NKAIN3: variants seen among roughly 807,000 people sequenced by gnomAD.
NKAIN3 encodes the protein sodium/potassium-transporting ATPase subunit beta-1-interacting protein 3.
A neutral mutation model predicts 30.2 loss-of-function variants in NKAIN3; 25 were observed. That is an observed-to-expected ratio of 0.83 (90% CI 0.60 to 1.16). NKAIN3 has a LOEUF of 1.16. NKAIN3 is among the 50% of genes most tolerant of loss of function. The pLI is 0.00. For missense variants in NKAIN3, 225 were observed against 254.1 expected (o/e 0.89, Z 0.78); for synonymous variants, 91 against 89.6 (o/e 1.02, Z -0.09).
At chr8:62,466,014 G>A (rs979230500) in intron 1 of NKAIN3, among the ~76,000 whole-genome samples, 3 of 152,030 alleles carry the variant, frequency 2.0e-5, no homozygotes, top group Admixed American at 6.6e-5. Flanking sequence ...AACAGAGCGA[G>A]AGTCCATCTA....
rs573669457 is a variant in NKAIN3, at chr8:62,976,501, T to C, written c.*11094T>C. 3.3e-5 allele frequency among the ~76,000 whole-genome samples: 5 copies of C among 152,304 alleles called. No individual in the cohort carries two copies. In the South Asian group the frequency reaches 1.0e-3, roughly 32 times the overall value. On this transcript the variant is annotated 3_prime_UTR_variant, in exon 7 of 7. Coordinates refer to ENST00000623646, the MANE Select transcript of NKAIN3 (RefSeq NM_001304533.3). ...AGTCTGTTTTACCAGAGGCTAAGAT[T>C]GCAACCCCTGCTTTTTTTTGCTTTC...
intron 4 of NKAIN3, among the ~76,000 whole-genome samples, chr8:62,860,238 A>G (rs187541080): frequency 6.6e-6 from 1 of 152,318 alleles, no homozygotes; most frequent in Non-Finnish European, 1.5e-5. Context: ...ATGGTATGGT[A>G]GCAGCAGATG....
At chr8:62,739,267 G>A (rs1282883476) in intron 3 of NKAIN3, among the ~76,000 whole-genome samples, 6 of 147,070 alleles carry the variant, frequency 4.1e-5, no homozygotes, top group African/African-American at 1.2e-4. Context: ...TATAATTTAC[G>A]AAAAAAAAAA....
At position 62,869,389 on chromosome 8, in the gene NKAIN3, T is replaced by C. The variant is rs964326383; in HGVS notation, c.472-49064T>C. Reference sequence around the variant, plus strand: ...CCCTCCCGGGGTCCATGTGTTCTCATTGTTCAACTCTCACTTATGAGTGAG... The same window carrying C: ...CCCTCCCGGGGTCCATGTGTTCTCACTGTTCAACTCTCACTTATGAGTGAG... On this transcript the variant is annotated intron_variant, in intron 4 of 6. Coordinates refer to ENST00000623646, the MANE Select transcript of NKAIN3 (RefSeq NM_001304533.3). 3.3e-5 allele frequency among the ~76,000 whole-genome samples: 5 copies of C among 152,298 alleles called. No homozygotes were observed. In the South Asian group the frequency reaches 8.3e-4, roughly 25 times the overall value.
chr8:62,346,161 A>G (rs1239199270), intron 1 of NKAIN3, among the ~76,000 whole-genome samples: 1 of 152,112 alleles, frequency 6.6e-6, no homozygotes, highest in Non-Finnish European at 1.5e-5. Flanking sequence ...TCTATTACCC[A>G]GTAGGGTCAA....
At chr8:62,919,760 G>A (rs1822220347) in intron 5 of NKAIN3, among the ~76,000 whole-genome samples, 1 of 152,134 alleles carries the variant, frequency 6.6e-6, no homozygotes, top group African/African-American at 2.4e-5. Context: ...AAACAGATGA[G>A]TGGTGCATGA....
intron 1 of NKAIN3, among the ~76,000 whole-genome samples, chr8:62,543,405 T>C (rs1808905175): frequency 6.6e-6 from 1 of 152,330 alleles, no homozygotes; most frequent in Admixed American, 6.5e-5. Context: ...AACTTCATTC[T>C]AGTAAATTAT....
intron 1 of NKAIN3, among the ~76,000 whole-genome samples, chr8:62,279,078 T>G (rs1445281004): frequency 6.6e-6 from 1 of 152,186 alleles, no homozygotes; most frequent in Non-Finnish European, 1.5e-5. Flanking sequence ...TTCTAACTGG[T>G]GTGAGATTGT....
At chr8:62,635,918 A>G (rs1232587067) in intron 3 of NKAIN3, among the ~76,000 whole-genome samples, 5 of 152,176 alleles carry the variant, frequency 3.3e-5, no homozygotes, top group African/African-American at 4.8e-5. Context: ...AAGCCTTACT[A>G]TAATTTGGAA....
rs1192989503 is a variant in NKAIN3, at chr8:62,365,309, T to A, written c.54+116182T>A. ...CATTGCAGCATTTGGTGTTTATTTTTTCCAATAATCTCTTAGTGTTTCACT... is the reference window on the plus strand; with the variant it reads ...CATTGCAGCATTTGGTGTTTATTTTATCCAATAATCTCTTAGTGTTTCACT... On this transcript the variant is annotated intron_variant, in intron 1 of 6. Transcript: ENST00000623646. Among the ~76,000 whole-genome samples the A allele has an allele frequency of 2.6e-5, 4 of 152,208 alleles. No individual in the cohort carries two copies. In the South Asian group the frequency reaches 8.3e-4, roughly 32 times the overall value.
At chr8:62,995,974 G>A (rs114832503) in intron 5 of NKAIN3, among the ~76,000 whole-genome samples, 350 of 152,308 alleles carry the variant, frequency 2.3e-3, no homozygotes, top group African/African-American at 8.2e-3. Flanking sequence ...CTCTGCAGGT[G>A]ATTCTTATGC....
intron 1 of NKAIN3, among the ~76,000 whole-genome samples, chr8:62,349,787 C>A (rs889636725): frequency 1.3e-5 from 2 of 152,080 alleles, no homozygotes; most frequent in Admixed American, 1.3e-4. Flanking sequence ...TGAATTCTTC[C>A]CAGTCTCAAA....
intron 4 of NKAIN3, among the ~76,000 whole-genome samples, chr8:62,798,724 ATTG>A: frequency 1.3e-5 from 2 of 152,330 alleles, no homozygotes; most frequent in Middle Eastern, 6.8e-3. Context: ...GAGATAATAA[ATTG>A]TTGTTGTTTA....
At chr8:62,657,986 G>T (rs974131370) in intron 3 of NKAIN3, among the ~76,000 whole-genome samples, 2 of 152,142 alleles carry the variant, frequency 1.3e-5, no homozygotes, top group Non-Finnish European at 2.9e-5. Context: ...GCTGAAGAGA[G>T]TGCAGATCTC....
intron 4 of NKAIN3, among the ~76,000 whole-genome samples, chr8:62,876,436 C>A (rs1820794836): frequency 6.6e-6 from 1 of 152,084 alleles, no homozygotes. Context: ...TCAGAAATAC[C>A]ATTTGACCCA....
chr8:62,599,416 A>G (rs1230958986), intron 3 of NKAIN3, among the ~76,000 whole-genome samples: 2 of 152,106 alleles, frequency 1.3e-5, no homozygotes, highest in African/African-American at 4.8e-5. Flanking sequence ...CAAAATGAAG[A>G]AAGCCACAAC....
At chr8:62,846,401 T>C (rs1487915747) in intron 4 of NKAIN3, among the ~76,000 whole-genome samples, 1 of 152,052 alleles carries the variant, frequency 6.6e-6, no homozygotes, top group Admixed American at 6.6e-5. Flanking sequence ...GCCATGATGG[T>C]TTACTGTACA....
intron 4 of NKAIN3, among the ~76,000 whole-genome samples, chr8:62,852,963 A>G (rs1018431203): frequency 3.3e-5 from 5 of 152,180 alleles, no homozygotes; most frequent in Non-Finnish European, 5.9e-5. Context: ...GTAGATGCCT[A>G]TTAGGTCCAC....
chr8:62,346,856 G>A (rs564373306), intron 1 of NKAIN3, among the ~76,000 whole-genome samples: 15 of 152,188 alleles, frequency 9.9e-5, no homozygotes, highest in African/African-American at 2.9e-4. Flanking sequence ...ACTTGGAATG[G>A]GTACATTAAC....
Sources: gnomAD v4.1 joint callset for allele counts (sites outside exome capture counted in the v4.1 genomes callset) on GRCh38, gnomAD v4.1.1 for gene constraint, MANE v1.5 for transcripts, NCBI Gene and HGNC (gene_info 2026-07-23, HGNC 2026-07-21) for gene names.